The following RCAN1 variants were observed in gnomAD, a reference collection of about 807,000 sequenced individuals.
RCAN1 encodes calcipressin-1.
Under a neutral mutation model 22.9 loss-of-function variants are expected in RCAN1, and 11 were observed. The observed-to-expected ratio is 0.48, with a 90% confidence interval of 0.30 to 0.79. The LOEUF (loss-of-function observed/expected upper bound fraction) is 0.79. RCAN1 is among the 30% of genes least tolerant of loss of function. RCAN1 has a pLI of 0.06. For missense variants in RCAN1, 291 were observed against 337.8 expected, an observed-to-expected ratio of 0.86 and a Z score of 1.09; for synonymous variants, 136 against 142.3, an observed-to-expected ratio of 0.96 and a Z score of 0.32.
intron 1 of RCAN1, among the ~76,000 whole-genome samples, chr21:34,550,569 C>T (rs574856784): frequency 5.6e-4 from 85 of 152,264 alleles, no homozygotes; most frequent in African/African-American, 1.9e-3. Context: ...GGAGCAAGGC[C>T]TCTGAGGGAA....
At position 34,592,192 on chromosome 21, in the gene RCAN1, G is replaced by A. The variant is rs1483335638; in HGVS notation, c.252+22568C>T. Among the ~76,000 whole-genome samples, 3 of 152,328 alleles carry A rather than the reference G, an allele frequency of 2.0e-5. No homozygotes were observed. The East Asian group carries it at 5.8e-4, about 29-fold the overall frequency. ...ACTCCAGTGTCTGAATTTCCATTCTGGAAAGGAACGGGCAGCGCTCAGCCT... is the reference window on the plus strand; with the variant it reads ...ACTCCAGTGTCTGAATTTCCATTCTAGAAAGGAACGGGCAGCGCTCAGCCT... On this transcript the variant is annotated intron_variant, in intron 1 of 3. Coordinates refer to ENST00000313806, the MANE Select transcript of RCAN1 (RefSeq NM_004414.7).
At chr21:34,577,434 C>CA (rs961671603) in intron 1 of RCAN1, among the ~76,000 whole-genome samples, 46 of 151,716 alleles carry the variant, frequency 3.0e-4, no homozygotes, top group Non-Finnish European at 7.4e-5. Context: ...CCTGTCTCTA[C>CA]AAAAAAATAC....
intron 1 of RCAN1, among the ~76,000 whole-genome samples, chr21:34,574,449 A>G (rs535306973): frequency 6.6e-6 from 1 of 152,346 alleles, no homozygotes; most frequent in South Asian, 2.1e-4. Flanking sequence ...TAAAGGAGAA[A>G]GACATGAGAT....
At chr21:34,549,578 C>T (rs1986283794) in intron 1 of RCAN1, among the ~76,000 whole-genome samples, 1 of 152,086 alleles carries the variant, frequency 6.6e-6, no homozygotes, top group African/African-American at 2.4e-5. Flanking sequence ...CCAGTCCAGG[C>T]TAAAACAGGT....
rs1312084945 is a variant in RCAN1, at chr21:34,521,326, G to A, written c.586+173C>T. The A allele has an allele frequency of 2.0e-6, 3 of 1,489,584 alleles. No individual in the cohort carries two copies. The Admixed American group carries it at 6.5e-5, about 32-fold the overall frequency. The allele number at this position is 1,489,584 out of a possible 1,614,324, so 92.3% of individuals were successfully genotyped here. On this transcript the variant is annotated intron_variant, in intron 3 of 3. Transcript: ENST00000313806. ...TCTAACACTGCAGGTGGTGCCAAGA[G>A]GCAGGCATGCTCCCAGCACAAGGGA...
chr21:34,610,837 G>T (rs761741047), intron 1 of RCAN1, among the ~76,000 whole-genome samples: 1 of 152,130 alleles, frequency 6.6e-6, no homozygotes, highest in Non-Finnish European at 1.5e-5. Flanking sequence ...ATGCTGATCC[G>T]AATATTTTGT....
At chr21:34,557,636 T>C (rs1202719326) in intron 1 of RCAN1, among the ~76,000 whole-genome samples, 5 of 152,214 alleles carry the variant, frequency 3.3e-5, no homozygotes, top group Non-Finnish European at 5.9e-5. Flanking sequence ...TTTTAAAATT[T>C]GAGACAATTT....
At chr21:34,600,540 G>A (rs1557266) in intron 1 of RCAN1, among the ~76,000 whole-genome samples, 59,703 of 151,914 alleles carry the variant, frequency 0.39, 11,937 homozygotes, top group Admixed American at 0.46. Flanking sequence ...GAAAGGAGGC[G>A]AGGAGACAGG....
At position 34,517,736 on chromosome 21, in the gene RCAN1, C is replaced by G. The variant is rs1456928710; in HGVS notation, c.*348G>C. 2 of 232,638 alleles carry G rather than the reference C, an allele frequency of 8.6e-6. No homozygotes were observed. Among genetic ancestry groups the G allele is most frequent in the African/African-American group, 4.5e-5 (2 of 44,054 alleles). 14.4% of individuals were successfully genotyped at this position (232,638 alleles called of 1,614,324 possible). On this transcript the variant is annotated 3_prime_UTR_variant, in exon 4 of 4. Coordinates refer to ENST00000313806, the MANE Select transcript of RCAN1 (RefSeq NM_004414.7). The stretch of plus-strand genomic sequence containing the variant: ...CCACTTAGAAACAGGAAGCTCTCTC[C>G]TGAGCTCACTGATCAACCTGCCCTT...
chr21:34,612,804 C>T (rs1988717158), intron 1 of RCAN1, among the ~76,000 whole-genome samples: 1 of 152,226 alleles, frequency 6.6e-6, no homozygotes, highest in Admixed American at 6.5e-5. Context: ...TTGCTCATGG[C>T]TGCAGGCCTG....
chr21:34,554,040 T>C (rs1054389989), intron 1 of RCAN1, among the ~76,000 whole-genome samples: 2 of 152,216 alleles, frequency 1.3e-5, no homozygotes, highest in Non-Finnish European at 2.9e-5. Flanking sequence ...TTAAGGAAGA[T>C]AAATGCTTTA....
intron 1 of RCAN1, among the ~76,000 whole-genome samples, chr21:34,539,755 C>T (rs1381628336): frequency 6.6e-6 from 1 of 152,214 alleles, no homozygotes; most frequent in Non-Finnish European, 1.5e-5. Flanking sequence ...ATCTCTAAAC[C>T]TGCTCATTTT....
intron 1 of RCAN1, among the ~76,000 whole-genome samples, chr21:34,549,516 G>A (rs1420216534): frequency 6.6e-6 from 1 of 152,134 alleles, no homozygotes; most frequent in South Asian, 2.1e-4. Context: ...ATTACGGAGG[G>A]AAACTTAGAA....
At chr21:34,527,124 A>G (rs1012658652) in intron 1 of RCAN1, among the ~76,000 whole-genome samples, 1 of 152,230 alleles carries the variant, frequency 6.6e-6, no homozygotes, top group Admixed American at 6.5e-5. Flanking sequence ...CACTGGTAGT[A>G]ATTCCATTCA....
chr21:34,526,547 T>C (rs8129861), intron 1 of RCAN1: 11,409 of 1,071,526 alleles, frequency 0.011, 414 homozygotes, highest in African/African-American at 0.085. Flanking sequence ...TTTGGATTTC[T>C]TTCAAAACCC....
chr21:34,557,361 T>G (rs974526651), intron 1 of RCAN1, among the ~76,000 whole-genome samples: 2 of 152,206 alleles, frequency 1.3e-5, no homozygotes, highest in African/African-American at 4.8e-5. Flanking sequence ...TCAGAAACAC[T>G]AACTCATAAT....
intron 1 of RCAN1, among the ~76,000 whole-genome samples, chr21:34,551,274 G>A (rs1986357320): frequency 6.6e-6 from 1 of 151,960 alleles, no homozygotes; most frequent in African/African-American, 2.4e-5. Context: ...GTCTGTGGCT[G>A]GCTTCTAAAC....
chr21:34,560,865 A>G (rs1484513060), intron 1 of RCAN1, among the ~76,000 whole-genome samples: 2 of 152,208 alleles, frequency 1.3e-5, no homozygotes, highest in Admixed American at 6.5e-5. Flanking sequence ...CTATAAAGCC[A>G]TTCTGACTAT....
intron 3 of RCAN1, among the ~76,000 whole-genome samples, chr21:34,519,358 A>ATTTCT (rs941708691): frequency 6.8e-5 from 9 of 132,596 alleles, no homozygotes; most frequent in Non-Finnish European, 1.3e-4. Flanking sequence ...TGTGCTTGGG[A>ATTTCT]TTTCTTTTCT....
Sources: allele counts gnomAD v4.1 joint callset (sites outside exome capture counted in the v4.1 genomes callset), GRCh38; gene constraint gnomAD v4.1.1; transcripts MANE v1.5; gene names NCBI Gene and HGNC (gene_info 2026-07-23, HGNC 2026-07-21).